TENM3: variants seen among roughly 807,000 people sequenced by gnomAD.
TENM3 encodes the protein teneurin transmembrane protein 3, also known as teneurin-3.
A neutral mutation model predicts 255.1 loss-of-function variants in TENM3; 63 were observed. That is an observed-to-expected ratio of 0.25 (90% CI 0.20 to 0.30). The LOEUF is 0.30. Among genes scored for constraint, TENM3 ranks in the 10% least tolerant of loss-of-function variants. The pLI is 1.00. For synonymous variants in TENM3, 1,306 were observed against 1,322.3 expected (o/e 0.99, Z 0.27); for missense variants, 2,929 against 3,461.1 (o/e 0.85, Z 3.86).
the TENM3 span, among the ~76,000 whole-genome samples, chr4:182,028,226 A>T: frequency 6.6e-6 from 1 of 152,024 alleles, no homozygotes; most frequent in Non-Finnish European, 1.5e-5. Flanking sequence ...GAATTTGTCC[A>T]TTTCTTCTAG....
chr4:182,718,089 T>A (rs1296580394), intron 13 of TENM3, among the ~76,000 whole-genome samples: 1 of 152,004 alleles, frequency 6.6e-6, no homozygotes, highest in Non-Finnish European at 1.5e-5. Context: ...GAAAACCTTC[T>A]CCTTTTTGAA....
chr4:181,585,374 C>T, the TENM3 span, among the ~76,000 whole-genome samples: 5 of 152,098 alleles, frequency 3.3e-5, no homozygotes, highest in African/African-American at 9.7e-5. Context: ...AAGCTTTTGA[C>T]ATTGTACATT....
chr4:181,479,870 G>T, the TENM3 span, among the ~76,000 whole-genome samples: 1 of 152,046 alleles, frequency 6.6e-6, no homozygotes, highest in Non-Finnish European at 1.5e-5. Flanking sequence ...TAGATGTGAG[G>T]CTTAATGGGT....
chr4:181,929,115 G>A, the TENM3 span, among the ~76,000 whole-genome samples: 17,047 of 152,060 alleles, frequency 0.11, 1,152 homozygotes, highest in South Asian at 0.26. Flanking sequence ...AAGAAACTGC[G>A]TCAACCAACT....
chr4:182,473,629 C>T (rs572571154), intron 3 of TENM3, among the ~76,000 whole-genome samples: 9 of 151,984 alleles, frequency 5.9e-5, no homozygotes, highest in South Asian at 2.1e-4. Flanking sequence ...GCCGAGATCG[C>T]GCCGCTGCAC....
chr4:181,967,674 A>C, the TENM3 span, among the ~76,000 whole-genome samples: 1 of 152,094 alleles, frequency 6.6e-6, no homozygotes, highest in East Asian at 1.9e-4. Flanking sequence ...TAAGAGGGCC[A>C]TTTTCAAATC....
At chr4:182,376,876 C>T (rs1354000323) in intron 3 of TENM3, among the ~76,000 whole-genome samples, 2 of 152,006 alleles carry the variant, frequency 1.3e-5, no homozygotes, top group African/African-American at 4.8e-5. Flanking sequence ...TAAGTGAAGA[C>T]AATAACAATT....
At chr4:181,898,985 A>T in the TENM3 span, among the ~76,000 whole-genome samples, 1 of 152,300 alleles carries the variant, frequency 6.6e-6, no homozygotes, top group East Asian at 1.9e-4. Flanking sequence ...TTATTATTTA[A>T]CAATTTGTAA....
intron 7 of TENM3, among the ~76,000 whole-genome samples, chr4:182,675,738 T>TA (rs1313813836): frequency 6.6e-6 from 1 of 152,188 alleles, no homozygotes; most frequent in African/African-American, 2.4e-5. Flanking sequence ...ACATGTAACT[T>TA]ACAAATTCTA....
At chr4:182,301,170 C>A (rs778986308) in intron 1 of TENM3, among the ~76,000 whole-genome samples, 3 of 152,088 alleles carry the variant, frequency 2.0e-5, no homozygotes, top group Non-Finnish European at 4.4e-5. Flanking sequence ...CATAAAAATT[C>A]TTTACTTTGG....
chr4:182,409,066 A>T (rs1251628524), intron 3 of TENM3, among the ~76,000 whole-genome samples: 1 of 152,242 alleles, frequency 6.6e-6, no homozygotes, highest in Non-Finnish European at 1.5e-5. Context: ...CTGACAAATG[A>T]GGTAAACATC....
At chr4:181,740,771 T>C in the TENM3 span, among the ~76,000 whole-genome samples, 7 of 151,664 alleles carry the variant, frequency 4.6e-5, no homozygotes, top group Non-Finnish European at 8.8e-5. Context: ...CATGAACTAG[T>C]AACAAAAATG....
intron 3 of TENM3, among the ~76,000 whole-genome samples, chr4:182,392,268 A>T (rs1023232548): frequency 1.3e-5 from 2 of 152,300 alleles, no homozygotes; most frequent in East Asian, 3.9e-4. Flanking sequence ...AGGTATTAAC[A>T]CGTCTGGTAT....
chr4:182,035,866 C>T, the TENM3 span, among the ~76,000 whole-genome samples: 1 of 152,192 alleles, frequency 6.6e-6, no homozygotes, highest in Non-Finnish European at 1.5e-5. Context: ...CCACCACACA[C>T]TGCTTAGTTC....
intron 1 of TENM3, among the ~76,000 whole-genome samples, chr4:182,217,561 G>A (rs951761965): frequency 3.3e-5 from 5 of 152,008 alleles, no homozygotes; most frequent in African/African-American, 9.7e-5. Flanking sequence ...GTACTTTACC[G>A]GTATTAACTC....
chr4:181,824,649 A>G, the TENM3 span, among the ~76,000 whole-genome samples: 1 of 152,334 alleles, frequency 6.6e-6, no homozygotes, highest in African/African-American at 2.4e-5. Flanking sequence ...CTGATCAGGC[A>G]AGACTTAATA....
intron 3 of TENM3, among the ~76,000 whole-genome samples, chr4:182,473,404 T>G (rs547672095): frequency 6.6e-6 from 1 of 152,316 alleles, no homozygotes; most frequent in South Asian, 2.1e-4. Flanking sequence ...CCGGGTGCCG[T>G]GGCTCATGCC....
the TENM3 span, among the ~76,000 whole-genome samples, chr4:181,907,755 T>C: frequency 1.1e-4 from 17 of 152,170 alleles, no homozygotes; most frequent in South Asian, 3.5e-3. Flanking sequence ...GCAGGAATCA[T>C]AGAGCAAGCG....
chr4:182,202,792 G>A (rs1754279556), intron 1 of TENM3, among the ~76,000 whole-genome samples: 2 of 152,202 alleles, frequency 1.3e-5, no homozygotes, highest in South Asian at 2.1e-4. Context: ...GGGAAGTGCA[G>A]GCGGCTCATC....
Sources: gnomAD v4.1 joint callset for allele counts (sites outside exome capture counted in the v4.1 genomes callset) on GRCh38, gnomAD v4.1.1 for gene constraint, MANE v1.5 for transcripts, NCBI Gene and HGNC (gene_info 2026-07-23, HGNC 2026-07-21) for gene names.